The following LRRFIP2 variants were observed in gnomAD, a reference collection of about 807,000 sequenced individuals.
LRRFIP2 encodes the protein LRR binding FLII interacting protein 2.
LRRFIP2 carries 109 observed loss-of-function variants against 125.9 expected under a neutral mutation model. That is an observed-to-expected ratio of 0.87 (90% CI 0.74 to 1.01). The LOEUF is 1.01. Ranked by LOEUF, LRRFIP2 falls within the 50% of genes least tolerant of loss-of-function variation. The probability of loss-of-function intolerance (pLI) is 0.00; values close to 1 mark genes in which losing one functional copy is unlikely to be tolerated. For synonymous variants in LRRFIP2, 291 were observed against 293.1 expected (o/e 0.99, Z 0.07); for missense variants, 850 against 862.3 (o/e 0.99, Z 0.18).
intron 1 of LRRFIP2, among the ~76,000 whole-genome samples, chr3:37,172,038 AAAGT>A (rs2096592802): frequency 6.6e-6 from 1 of 152,240 alleles, no homozygotes; most frequent in African/African-American, 2.4e-5. Context: ...TAAAGAATAC[AAAGT>A]AATTAAGAGC....
intron 4 of LRRFIP2, among the ~76,000 whole-genome samples, chr3:37,123,313 T>C (rs1259620060): frequency 6.6e-6 from 1 of 152,110 alleles, no homozygotes; most frequent in African/African-American, 2.4e-5. Context: ...TTTGGCCCCC[T>C]ACTAAGTAGC....
intron 2 of LRRFIP2, among the ~76,000 whole-genome samples, chr3:37,133,461 T>C (rs1478534183): frequency 6.6e-6 from 1 of 152,188 alleles, no homozygotes; most frequent in Non-Finnish European, 1.5e-5. Flanking sequence ...TTTGGATCAT[T>C]CAGCCTTAAA....
intron 17 of LRRFIP2, among the ~76,000 whole-genome samples, chr3:37,093,520 C>T (rs1463768278): frequency 6.6e-6 from 1 of 152,166 alleles, no homozygotes; most frequent in Non-Finnish European, 1.5e-5. Context: ...CCCAGTCTCT[C>T]GTATTCACTC....
At chr3:37,085,683 G>A (rs768169634) in intron 18 of LRRFIP2, among the ~76,000 whole-genome samples, 2 of 150,892 alleles carry the variant, frequency 1.3e-5, no homozygotes, top group East Asian at 2.0e-4. Context: ...CCGGGTTCAC[G>A]CGATTCTCCT....
chr3:37,056,763 A>C (rs1316607149), intron 25 of LRRFIP2, among the ~76,000 whole-genome samples: 3 of 152,160 alleles, frequency 2.0e-5, no homozygotes. Flanking sequence ...CCTTAAAAGG[A>C]ACAGGGTTAC....
chr3:37,127,537 C>A, intron 4 of LRRFIP2, 93 bp downstream of exon 4: 1 of 1,273,790 alleles, frequency 7.9e-7, no homozygotes, highest in Non-Finnish European at 1.1e-6. Context: ...GCCAAACACT[C>A]CTACTTTGCA....
chr3:37,169,161 T>C (rs760083594), intron 1 of LRRFIP2, among the ~76,000 whole-genome samples: 1 of 152,186 alleles, frequency 6.6e-6, no homozygotes, highest in Non-Finnish European at 1.5e-5. Context: ...TGATGTTTGC[T>C]TGACAAAATT....
intron 1 of LRRFIP2, among the ~76,000 whole-genome samples, chr3:37,151,911 T>C (rs970385373): frequency 2.0e-5 from 3 of 152,152 alleles, no homozygotes; most frequent in Non-Finnish European, 4.4e-5. Context: ...GGCCGGAAGA[T>C]TTCTTAAAGA....
At chr3:37,072,266 C>A (rs2091327895) in intron 21 of LRRFIP2, among the ~76,000 whole-genome samples, 1 of 151,896 alleles carries the variant, frequency 6.6e-6, no homozygotes, top group African/African-American at 2.4e-5. Flanking sequence ...TTTGGGAGGC[C>A]AAGGTGGGTG....
chr3:37,174,626 GGAA>G (rs1447458184), upstream of LRRFIP2: 2 of 151,954 alleles, frequency 1.3e-5, no homozygotes, highest in Non-Finnish European at 2.9e-5. Flanking sequence ...AAAAAGGGGG[GGAA>G]GGAGTAAAAT....
In LRRFIP2 at chr3:37,103,014, C is replaced by A. The variant is rs375378385; in HGVS notation, c.784-1G>T. The A allele has an allele frequency of 2.0e-5, 31 of 1,552,340 alleles. No individual in the cohort carries two copies. Among genetic ancestry groups the A allele is most frequent in the Non-Finnish European group, 2.6e-5 (30 of 1,146,944 alleles). On this transcript the variant is annotated splice_acceptor_variant, in intron 14 of 27. Transcript: ENST00000336686. LOFTEE classifies it high-confidence loss of function. ...GACTGAAATAATCAGCGGCAGATAC[C>A]TTTCGGTCAGAAAAAAAACAAGATG...
intron 2 of LRRFIP2, among the ~76,000 whole-genome samples, chr3:37,145,363 G>A (rs1041333591): frequency 6.6e-6 from 1 of 152,110 alleles, no homozygotes; most frequent in African/African-American, 2.4e-5. Flanking sequence ...GTAAAACTTT[G>A]GATCTGCAAT....
chr3:37,075,600 A>G (rs2091910575), intron 19 of LRRFIP2, among the ~76,000 whole-genome samples: 1 of 152,154 alleles, frequency 6.6e-6, no homozygotes, highest in Non-Finnish European at 1.5e-5. Context: ...CTTGGATTAA[A>G]AGTCTCACAA....
At chr3:37,165,107 C>A (rs944306730) in intron 1 of LRRFIP2, among the ~76,000 whole-genome samples, 1 of 151,682 alleles carries the variant, frequency 6.6e-6, no homozygotes, top group Non-Finnish European at 1.5e-5. Flanking sequence ...TGGTGGTGAG[C>A]GCCTATAGTT....
In LRRFIP2 at chr3:37,129,070, T is replaced by A. The variant is rs753534539; in HGVS notation, c.170A>T (p.Gln57Leu). The A allele has an allele frequency of 6.2e-7, 1 of 1,614,134 alleles. No homozygotes were observed. The highest frequency in any genetic ancestry group is 8.5e-7 in the Non-Finnish European group (1 of 1,179,974). Residue 57 changes from glutamine to leucine, a missense_variant, in exon 3 of 28, where the codon CAA (glutamine) becomes CTA (leucine). Physicochemically the swap from Gln to Leu is moderately radical, Grantham distance 113. Transcript: ENST00000336686. ...DIRMRELERQQKEYSLHSFDR... is the reference protein window; with the variant it reads ...DIRMRELERQLKEYSLHSFDR... ...GTTATTCCCTCAAATTACCTCTTTT[T>A]GTTGTCGTTCCAGTTCTCTCATGCG...
chr3:37,127,093 C>G (rs2095303983), intron 4 of LRRFIP2, among the ~76,000 whole-genome samples: 1 of 151,616 alleles, frequency 6.6e-6, no homozygotes, highest in South Asian at 2.1e-4. Context: ...TAATAGGAGA[C>G]AGTGGGGAAC....
chr3:37,057,056 CCTT>C (rs1212874613), intron 25 of LRRFIP2, among the ~76,000 whole-genome samples: 1 of 152,124 alleles, frequency 6.6e-6, no homozygotes, highest in Non-Finnish European at 1.5e-5. Context: ...CCACTCCTGG[CCTT>C]CTGGTCCAGG....
In LRRFIP2 at chr3:37,155,976, G is replaced by A. The variant is rs904713848; in HGVS notation, c.-55-6938C>T. 6.6e-5 allele frequency among the ~76,000 whole-genome samples: 10 copies of A among 152,124 alleles called. No individual in the cohort carries two copies. The South Asian group carries it at 1.2e-3, about 19-fold the overall frequency. ...TGCAACCTCGGCCTCCCAGGCTCAG[G>A]CGATTCTCCTGCCTCAGCCTCCCAA... is the stretch of plus-strand genomic sequence containing the variant. On this transcript the variant is annotated intron_variant, in intron 1 of 27. Coordinates refer to ENST00000336686, the MANE Select transcript of LRRFIP2 (RefSeq NM_006309.4).
chr3:37,054,986 T>C, intron 26 of LRRFIP2, 100 bp downstream of exon 26: 1 of 730,342 alleles, frequency 1.4e-6, no homozygotes, highest in South Asian at 1.7e-5. Flanking sequence ...AGAACTATTA[T>C]TGATCCAACT....
Sources: allele counts gnomAD v4.1 joint callset (sites outside exome capture counted in the v4.1 genomes callset), GRCh38; gene constraint gnomAD v4.1.1; transcripts MANE v1.5; gene names NCBI Gene and HGNC (gene_info 2026-07-23, HGNC 2026-07-21).